NMT1: variants seen among roughly 807,000 people sequenced by gnomAD.
The protein encoded by NMT1 is glycylpeptide N-tetradecanoyltransferase 1.
NMT1 carries 12 observed loss-of-function variants against 63.4 expected under a neutral mutation model. The ratio of observed to expected loss-of-function variants is 0.19; its 90% CI spans 0.12 to 0.31. NMT1 has a LOEUF of 0.31. Ranked by LOEUF, NMT1 falls within the 10% of genes least tolerant of loss-of-function variation. NMT1 has a pLI of 1.00. For synonymous variants in NMT1, 228 were observed against 234.3 expected, an observed-to-expected ratio of 0.97 and a Z score of 0.25; for missense variants, 432 against 634.6, an observed-to-expected ratio of 0.68 and a Z score of 3.43.
At chr17:45,072,721 G>A (rs1217492390) in intron 1 of NMT1, among the ~76,000 whole-genome samples, 2 of 151,336 alleles carry the variant, frequency 1.3e-5, no homozygotes, top group East Asian at 3.9e-4. Context: ...CACGATGCCT[G>A]CCTAATTTTT....
intron 3 of NMT1, among the ~76,000 whole-genome samples, chr17:45,092,037 C>T (rs1184271411): frequency 1.3e-5 from 2 of 152,058 alleles, no homozygotes; most frequent in Admixed American, 6.5e-5. Flanking sequence ...CATGAGTTTC[C>T]TAACTAGGGA....
In NMT1 at chr17:45,082,703, T is replaced by C. The variant is rs942720461; in HGVS notation, c.240+951T>C. Among the ~76,000 whole-genome samples the C allele has an allele frequency of 5.3e-5, 8 of 152,212 alleles. No individual in the cohort carries two copies. In the East Asian group the frequency reaches 1.3e-3, roughly 26 times the overall value. On this transcript the variant is annotated intron_variant, in intron 2 of 11. Coordinates refer to ENST00000258960, the MANE Select transcript of NMT1 (RefSeq NM_021079.5). ...GAGGCAGGGGGACAACTCAAACATATTCATAATTCACCTTTTAAAACTGCC... is the reference window on the plus strand; with the variant it reads ...GAGGCAGGGGGACAACTCAAACATACTCATAATTCACCTTTTAAAACTGCC...
chr17:45,076,092 GAAAC>G (rs2053975479), intron 1 of NMT1, among the ~76,000 whole-genome samples: 2 of 152,078 alleles, frequency 1.3e-5, no homozygotes, highest in Middle Eastern at 3.4e-3. Context: ...CATGAATCAA[GAAAC>G]AAACAAAAAA....
chr17:45,104,094 T>C lies in NMT1; in HGVS notation c.1332+218T>C. The C allele has an allele frequency of 6.8e-7, 1 of 1,463,794 alleles. No homozygotes were observed. Among genetic ancestry groups the C allele is most frequent in the Non-Finnish European group, 9.0e-7 (1 of 1,107,722 alleles). 90.7% of individuals were successfully genotyped at this position (1,463,794 alleles called of 1,614,324 possible). On this transcript the variant is annotated intron_variant, in intron 10 of 11. Coordinates refer to ENST00000258960, the MANE Select transcript of NMT1 (RefSeq NM_021079.5). The surrounding 1 kb of genome is among the most constrained non-coding windows in gnomAD (Gnocchi z 4.2). The stretch of plus-strand genomic sequence containing the variant: ...GTGAAGGCATTGAACTCCTCCTGAT[T>C]CATTTCAGTGAGTTTCGTTCTCACA...
chr17:45,061,562 G>A, intron 1 of NMT1, 102 bp downstream of exon 1: 1 of 995,254 alleles, frequency 1.0e-6, no homozygotes. Flanking sequence ...CCACCCTCAT[G>A]TTCTTATTGG....
At chr17:45,094,197 A>G (rs2054108655) in intron 4 of NMT1, among the ~76,000 whole-genome samples, 1 of 152,054 alleles carries the variant, frequency 6.6e-6, no homozygotes, top group South Asian at 2.1e-4. Flanking sequence ...TCCCTTATAA[A>G]GAATGATGAA....
chr17:45,097,067 C>A lies in NMT1; in HGVS notation c.597-61C>A, dbSNP rs915164048. ...GTCCGAACCAAATTTGGCTGTGGAG[C>A]CCAAGCGGCTTGTCCAGCCTGCCGG... On this transcript the variant is annotated intron_variant, in intron 5 of 11. Transcript: ENST00000258960. 4 of 1,415,348 alleles carry A rather than the reference C, an allele frequency of 2.8e-6. No homozygotes were observed. In the African/African-American group the frequency reaches 4.2e-5, roughly 15 times the overall value. The allele number at this position is 1,415,348 out of a possible 1,614,324, so 87.7% of individuals were successfully genotyped here.
chr17:45,098,517 C>T lies in NMT1; in HGVS notation c.849C>T (p.Ala283=), dbSNP rs773804544. The change falls in exon 7 of 12, where the codon GCC becomes GCT. Residue 283 remains alanine, a synonymous_variant. Transcript: ENST00000258960. Reference sequence around the variant, plus strand: ...GCATCTTCCAAGCAGTTTACACTGCCGGGGTGGTACTACCAAAGCCCGTTG... The same window carrying T: ...GCATCTTCCAAGCAGTTTACACTGCTGGGGTGGTACTACCAAAGCCCGTTG... ...LEGIFQAVYT[A]GVVLPKPVGT... is the part of the protein sequence containing the mutation. 6.2e-6 allele frequency: 10 copies of T among 1,614,018 alleles called. No individual in the cohort carries two copies. In the East Asian group the frequency reaches 1.1e-4, roughly 18 times the overall value.
At chr17:45,076,056 C>T (rs1250699983) in intron 1 of NMT1, among the ~76,000 whole-genome samples, 4 of 152,014 alleles carry the variant, frequency 2.6e-5, no homozygotes, top group Admixed American at 6.6e-5. Context: ...GGTGACAGAG[C>T]GAGACTCCAT....
At chr17:45,080,925 C>T (rs1332415575) in intron 1 of NMT1, among the ~76,000 whole-genome samples, 1 of 152,100 alleles carries the variant, frequency 6.6e-6, no homozygotes, top group Non-Finnish European at 1.5e-5. Context: ...TGCCACCAGG[C>T]CCCAGCTAAT....
intron 1 of NMT1, among the ~76,000 whole-genome samples, chr17:45,065,299 C>G (rs1003452168): frequency 2.0e-5 from 3 of 152,060 alleles, no homozygotes; most frequent in African/African-American, 7.2e-5. Context: ...CCAAATAATT[C>G]TCATTGTAAG....
chr17:45,070,350 A>C (rs2053932097), intron 1 of NMT1, among the ~76,000 whole-genome samples: 1 of 152,060 alleles, frequency 6.6e-6, no homozygotes, highest in Admixed American at 6.6e-5. Flanking sequence ...TCCTGGGTTC[A>C]AACTATTCTC....
chr17:45,106,954 G>A lies in NMT1; in HGVS notation c.*1315G>A, dbSNP rs958585513. On this transcript the variant is annotated 3_prime_UTR_variant, in exon 12 of 12. Transcript: ENST00000258960. Reference sequence around the variant, plus strand: ...CTGTCGATGTAGGCATTCTGGAGTGGTGTTCAGCCAAGTGACCGGGCAAAA... The same window carrying A: ...CTGTCGATGTAGGCATTCTGGAGTGATGTTCAGCCAAGTGACCGGGCAAAA... The A allele has an allele frequency of 1.3e-5, 2 of 152,324 alleles. No individual in the cohort carries two copies. The highest frequency in any genetic ancestry group is 2.9e-5 in the Non-Finnish European group (2 of 68,052). The allele number at this position is 152,324 out of a possible 1,614,324, so 9.4% of individuals were successfully genotyped here.
chr17:45,072,704 C>T (rs1598004556), intron 1 of NMT1, among the ~76,000 whole-genome samples: 1 of 151,824 alleles, frequency 6.6e-6, no homozygotes. Flanking sequence ...GGACTACAGG[C>T]GCCCGCCACG....
intron 8 of NMT1, among the ~76,000 whole-genome samples, chr17:45,101,744 G>A (rs558688911): frequency 1.3e-5 from 2 of 152,070 alleles, no homozygotes; most frequent in Non-Finnish European, 2.9e-5. Context: ...TGCCTGCCTG[G>A]ACTCCTCAGC....
intron 5 of NMT1, among the ~76,000 whole-genome samples, chr17:45,096,848 G>A (rs554582908): frequency 6.6e-6 from 1 of 152,368 alleles, no homozygotes; most frequent in East Asian, 1.9e-4. Flanking sequence ...CAGTACCTTG[G>A]TTCAAGCTGT....
chr17:45,098,113 G>A (rs561234696), intron 6 of NMT1, among the ~76,000 whole-genome samples: 1 of 152,272 alleles, frequency 6.6e-6, no homozygotes, highest in South Asian at 2.1e-4. Context: ...CCAACTCCTA[G>A]GGACTCATCA....
At chr17:45,086,680 G>A in intron 3 of NMT1, 28 bp downstream of exon 3, 1 of 1,584,792 alleles carries the variant, frequency 6.3e-7, no homozygotes, top group Non-Finnish European at 8.6e-7. Flanking sequence ...TTCTTTGCCA[G>A]GTCAGGGGCG....
chr17:45,086,644 C>G lies in NMT1; in HGVS notation c.377C>G (p.Pro126Arg). 1 of 1,610,718 alleles carries G rather than the reference C, an allele frequency of 6.2e-7. No individual in the cohort carries two copies. Among genetic ancestry groups the G allele is most frequent in the South Asian group, 1.1e-5 (1 of 90,644 alleles). The change falls in exon 3 of 12, where the codon CCC (proline) becomes CGC (arginine). Residue 126 changes from proline (P) to arginine (R), a missense_variant. This residue lies in a region of NMT1 where 295 missense variants were observed against 489.7 expected (regional missense o/e 0.60). Coordinates refer to ENST00000258960, the MANE Select transcript of NMT1 (RefSeq NM_021079.5). The part of the protein sequence containing the change: ...SYQFWDTQPV[P>R]KLGEVVNTHG... ...CAGTTCTGGGATACGCAGCCCGTCC[C>G]CAAGCTGGGTATGTACATGCTTGCT...
Sources: allele counts gnomAD v4.1 joint callset (sites outside exome capture counted in the v4.1 genomes callset), GRCh38; gene constraint gnomAD v4.1.1; regional missense constraint gnomAD v4.1.1; non-coding constraint Gnocchi (gnomAD v3.1); transcripts MANE v1.5; gene names NCBI Gene and HGNC (gene_info 2026-07-23, HGNC 2026-07-21).